The following DPCD variants were observed in gnomAD, a reference collection of about 807,000 sequenced individuals.
The protein encoded by DPCD is deleted in primary ciliary dyskinesia homolog (mouse).
In DPCD, 20 loss-of-function variants were observed where a neutral mutation model predicts 26.4. The ratio of observed to expected loss-of-function variants is 0.76; its 90% CI spans 0.53 to 1.10. The LOEUF (loss-of-function observed/expected upper bound fraction) is 1.10. Ranked by LOEUF, DPCD falls within the 50% of genes least tolerant of loss-of-function variation. The pLI is 0.00. For synonymous variants in DPCD, 97 were observed against 94.2 expected, an observed-to-expected ratio of 1.03 and a Z score of -0.17; for missense variants, 202 against 253.9, an observed-to-expected ratio of 0.80 and a Z score of 1.39.
chr10:101,595,350 C>G (rs1003652418), intron 2 of DPCD, among the ~76,000 whole-genome samples: 4 of 152,116 alleles, frequency 2.6e-5, no homozygotes, highest in African/African-American at 9.7e-5. Context: ...TTGATTTGTC[C>G]ACTCTGTTCC....
chr10:101,604,618 G>A (rs2063721020), intron 4 of DPCD, among the ~76,000 whole-genome samples: 1 of 152,228 alleles, frequency 6.6e-6, no homozygotes, highest in African/African-American at 2.4e-5. Flanking sequence ...GATAACGTTT[G>A]TGCAGAAAGA....
At chr10:101,588,663 A>C in intron 1 of DPCD, 2 of 1,284,382 alleles carry the variant, frequency 1.6e-6, no homozygotes, top group Non-Finnish European at 2.0e-6. Context: ...TTTTACATTC[A>C]TTATCTCATT....
chr10:101,602,004 C>G (rs1053940474), intron 4 of DPCD, among the ~76,000 whole-genome samples: 1 of 152,134 alleles, frequency 6.6e-6, no homozygotes. Context: ...TTTGGAAATG[C>G]ATTGATCTCA....
chr10:101,588,451 G>T, intron 1 of DPCD, 51 bp downstream of exon 1: 2 of 1,553,870 alleles, frequency 1.3e-6, no homozygotes, highest in Non-Finnish European at 8.7e-7. Context: ...TCAGGGTCCG[G>T]CCCTCCGGGA....
At chr10:101,605,065 GC>G in intron 4 of DPCD, 1 of 1,547,740 alleles carries the variant, frequency 6.5e-7, no homozygotes, top group Non-Finnish European at 8.7e-7. Flanking sequence ...CTAGCAGGGG[GC>G]GACTGTGGGT....
intron 4 of DPCD, chr10:101,605,244 C>T (rs2063726058): frequency 6.5e-7 from 1 of 1,548,472 alleles, no homozygotes; most frequent in Non-Finnish European, 8.7e-7. Context: ...TGATTGTCCA[C>T]AGCAGCCCTG....
chr10:101,605,119 T>C (rs1220881224), intron 4 of DPCD: 1 of 1,550,542 alleles, frequency 6.4e-7, no homozygotes, highest in South Asian at 1.2e-5. Context: ...TTAAGAAGAT[T>C]TGCTTGCTGC....
chr10:101,591,763 C>T (rs2063610446), intron 1 of DPCD, among the ~76,000 whole-genome samples: 1 of 152,106 alleles, frequency 6.6e-6, no homozygotes, highest in Non-Finnish European at 1.5e-5. Context: ...CGCACTGCAA[C>T]CTTTGCCTGC....
At chr10:101,590,625 C>G (rs2063600253) in intron 1 of DPCD, among the ~76,000 whole-genome samples, 1 of 149,982 alleles carries the variant, frequency 6.7e-6, no homozygotes, top group Admixed American at 6.6e-5. Context: ...TGCTCTGTCA[C>G]CCAGGCTGTG....
rs1382106199 is a variant in DPCD, at chr10:101,601,245, C to T, written c.313C>T (p.Arg105Trp). The T allele has an allele frequency of 6.2e-6, 10 of 1,613,644 alleles. No homozygotes were observed. In the South Asian group the frequency reaches 6.6e-5, roughly 11 times the overall value. The change falls in exon 4 of 6, where the codon CGG becomes TGG. Residue 105 changes from arginine (R) to tryptophan (W), a missense_variant. This residue lies in a region of DPCD where 118 missense variants were observed against 145.1 expected (regional missense o/e 0.81). Coordinates refer to ENST00000370151, the MANE Select transcript of DPCD (RefSeq NM_015448.3). ...GGACACCAAGATGAGTTTCCAGTGG[C>T]GGATTCGAAACCTCCCCTATCCTAA... is the stretch of plus-strand genomic sequence containing the variant. The part of the protein sequence containing the change: ...RKDTKMSFQW[R>W]IRNLPYPKDV...
At chr10:101,605,001 G>C in intron 4 of DPCD, 6 of 1,281,466 alleles carry the variant, frequency 4.7e-6, no homozygotes, top group Non-Finnish European at 6.3e-6. Flanking sequence ...GATTAAACAG[G>C]CTTCTCTTTG....
chr10:101,601,213 T>G lies in DPCD; in HGVS notation c.281T>G (p.Met94Arg). The change falls in exon 4 of 6, where the codon ATG (methionine) becomes AGG (arginine). Residue 94 changes from methionine (M) to arginine (R), a missense_variant. Met to Arg is a moderately conservative substitution (Grantham distance 91, BLOSUM62 -1). Around this residue, in one of 3 missense-constraint regions of DPCD, gnomAD observed 118 missense variants for 145.1 expected, o/e 0.81. Transcript: ENST00000370151. ...IKESNANPIFMRKDTKMSFQW... is the reference protein window; with the variant it reads ...IKESNANPIFRRKDTKMSFQW... ...ATTTGCCTTCTGCAGCCTATCTTCA[T>G]GCGCAAGGACACCAAGATGAGTTTC... is the stretch of plus-strand genomic sequence containing the variant. 1 of 1,613,810 alleles carries G rather than the reference T, an allele frequency of 6.2e-7. No homozygotes were observed. Among genetic ancestry groups the G allele is most frequent in the Non-Finnish European group, 8.5e-7 (1 of 1,179,968 alleles).
intron 4 of DPCD, chr10:101,605,110 TAAG>T (rs753829774): frequency 4.8e-5 from 74 of 1,550,450 alleles, no homozygotes; most frequent in South Asian, 1.4e-4. Flanking sequence ...CCTTGATGTT[TAAG>T]AAGATTTGCT....
At position 101,600,411 on chromosome 10, in the gene DPCD, C is replaced by T. The variant is rs768135870; in HGVS notation, c.146-327C>T. 3.9e-5 allele frequency among the ~76,000 whole-genome samples: 6 copies of T among 152,166 alleles called. No individual in the cohort carries two copies. Among genetic ancestry groups the T allele is most frequent in the Non-Finnish European group, 7.4e-5 (5 of 68,026 alleles). Reference sequence around the variant, plus strand: ...GAAACAACCCTTTTCCTAATCTTCACATCTTCTCCTTGCTTGAAGCCACAC... The same window carrying T: ...GAAACAACCCTTTTCCTAATCTTCATATCTTCTCCTTGCTTGAAGCCACAC... On this transcript the variant is annotated intron_variant, in intron 2 of 5. Coordinates refer to ENST00000370151, the MANE Select transcript of DPCD (RefSeq NM_015448.3). This position sits in a 1 kb window ranked among gnomAD's most constrained non-coding sequence, Gnocchi z 4.7.
At chr10:101,594,365 G>T (rs1342967357) in intron 1 of DPCD, among the ~76,000 whole-genome samples, 2 of 152,212 alleles carry the variant, frequency 1.3e-5, no homozygotes, top group Admixed American at 6.5e-5. Flanking sequence ...TGACATTTGA[G>T]CTGGATTTTG....
At chr10:101,606,812 C>A (rs2063735933) in intron 4 of DPCD, among the ~76,000 whole-genome samples, 2 of 152,160 alleles carry the variant, frequency 1.3e-5, no homozygotes, top group South Asian at 4.1e-4. Flanking sequence ...AACCCTATGT[C>A]TGGGGGAATG....
chr10:101,592,325 T>A (rs116357148), intron 1 of DPCD, among the ~76,000 whole-genome samples: 11,695 of 152,210 alleles, frequency 0.077, 493 homozygotes, highest in African/African-American at 0.11. Context: ...GGCTGTAGTG[T>A]GCTATAATCA....
chr10:101,592,776 G>T (rs925084376), intron 1 of DPCD, among the ~76,000 whole-genome samples: 9 of 151,972 alleles, frequency 5.9e-5, no homozygotes, highest in Non-Finnish European at 1.2e-4. Context: ...AGCCCTTTGG[G>T]AGGCTGAGAT....
intron 4 of DPCD, among the ~76,000 whole-genome samples, chr10:101,602,788 G>C (rs190485561): frequency 6.6e-6 from 1 of 152,248 alleles, no homozygotes; most frequent in East Asian, 1.9e-4. Context: ...CTGCAGCCCA[G>C]CACTTTGTGA....
Sources: gnomAD v4.1 joint callset for allele counts (sites outside exome capture counted in the v4.1 genomes callset) on GRCh38, gnomAD v4.1.1 for gene constraint, gnomAD v4.1.1 regional missense constraint, Gnocchi (gnomAD v3.1) non-coding constraint, MANE v1.5 for transcripts, NCBI Gene and HGNC (gene_info 2026-07-23, HGNC 2026-07-21) for gene names.